RTN4IP1: variants seen among roughly 807,000 people sequenced by gnomAD.
RTN4IP1 encodes reticulon 4 interacting protein 1.
In RTN4IP1, 32 loss-of-function variants were observed where a neutral mutation model predicts 46.6. That is an observed-to-expected ratio of 0.69 (90% CI 0.52 to 0.92). The LOEUF (loss-of-function observed/expected upper bound fraction) is 0.92, where lower values mean the gene tolerates loss of function less well. Ranked by LOEUF, RTN4IP1 falls within the 40% of genes least tolerant of loss-of-function variation. RTN4IP1 has a pLI of 0.00. For missense variants in RTN4IP1, 424 were observed against 485.8 expected, an observed-to-expected ratio of 0.87 and a Z score of 1.20; for synonymous variants, 167 against 161.8, an observed-to-expected ratio of 1.03 and a Z score of -0.24.
At chr6:106,592,818 A>G (rs766479193) in intron 5 of RTN4IP1, among the ~76,000 whole-genome samples, 13 of 152,092 alleles carry the variant, frequency 8.5e-5, no homozygotes, top group Non-Finnish European at 1.5e-4. Context: ...AATCCCAGCT[A>G]CTTGGGTGGC....
intron 5 of RTN4IP1, among the ~76,000 whole-genome samples, chr6:106,602,338 A>C (rs1470659161): frequency 6.6e-6 from 1 of 152,116 alleles, no homozygotes; most frequent in Non-Finnish European, 1.5e-5. Flanking sequence ...ACTTCAGGGG[A>C]GTATTGCCAT....
intron 1 of RTN4IP1, among the ~76,000 whole-genome samples, chr6:106,627,981 T>G (rs1245144104): frequency 7.3e-6 from 1 of 137,476 alleles, no homozygotes; most frequent in Non-Finnish European, 1.6e-5. Flanking sequence ...AGCAGGAGAA[T>G]CGCTTGAACC....
At chr6:106,627,214 T>C (rs747270470) in intron 1 of RTN4IP1, among the ~76,000 whole-genome samples, 2 of 151,316 alleles carry the variant, frequency 1.3e-5, no homozygotes, top group Non-Finnish European at 2.9e-5. Context: ...GTTTCAAGAA[T>C]ACTATATAAA....
intron 1 of RTN4IP1, among the ~76,000 whole-genome samples, chr6:106,625,661 CTTTTTTTTTTTTTTT>C (rs773454257): frequency 5.3e-5 from 6 of 112,798 alleles, no homozygotes; most frequent in Admixed American, 2.9e-4. Context: ...TCTTTTTTTT[CTTTTTTTTTTTTTTT>C]TTTTTGAGAC....
chr6:106,612,873 A>T (rs1246345218), intron 4 of RTN4IP1, among the ~76,000 whole-genome samples: 1 of 152,218 alleles, frequency 6.6e-6, no homozygotes, highest in African/African-American at 2.4e-5. Flanking sequence ...AGCAGGGGCC[A>T]CGTGCATCAG....
At chr6:106,602,213 G>C (rs1231400762) in intron 5 of RTN4IP1, among the ~76,000 whole-genome samples, 2 of 151,992 alleles carry the variant, frequency 1.3e-5, no homozygotes, top group Non-Finnish European at 2.9e-5. Context: ...AAGATTGTTT[G>C]GCTATTTGGG....
rs542985402 is a variant in RTN4IP1, at chr6:106,615,543, C to A, written c.620+3659G>T. Among the ~76,000 whole-genome samples the A allele has an allele frequency of 2.0e-5, 3 of 152,094 alleles. No individual in the cohort carries two copies. The East Asian group carries it at 5.8e-4, about 29-fold the overall frequency. On this transcript the variant is annotated intron_variant, in intron 4 of 8. Coordinates refer to ENST00000369063, the MANE Select transcript of RTN4IP1 (RefSeq NM_032730.5). ...AGGATGGAGTGCAGTGGCATGATCT[C>A]AGCTCACTGTAACCTCCGCCTCCCG...
intron 1 of RTN4IP1, among the ~76,000 whole-genome samples, chr6:106,627,743 CTTTTTTTTTTTTTTTT>C (rs759953237): frequency 1.9e-5 from 1 of 52,964 alleles, no homozygotes; most frequent in Non-Finnish European, 3.9e-5. Flanking sequence ...CATTTCAATG[CTTTTTTTTTTTTTTTT>C]TTTTTTTTTT....
At chr6:106,616,233 A>G (rs1776354278) in intron 4 of RTN4IP1, among the ~76,000 whole-genome samples, 1 of 152,150 alleles carries the variant, frequency 6.6e-6, no homozygotes, top group Non-Finnish European at 1.5e-5. Context: ...GACATTTTCT[A>G]ATGATATCAA....
intron 8 of RTN4IP1, among the ~76,000 whole-genome samples, chr6:106,574,840 G>A (rs918425581): frequency 2.0e-5 from 3 of 152,196 alleles, no homozygotes; most frequent in Non-Finnish European, 4.4e-5. Flanking sequence ...CACAGATCCT[G>A]AACTGATGAC....
At position 106,588,142 on chromosome 6, in the gene RTN4IP1, T is replaced by C. The variant is rs188562236; in HGVS notation, c.807-280A>G. Among the ~76,000 whole-genome samples the C allele has an allele frequency of 7.9e-5, 12 of 152,314 alleles. No individual in the cohort carries two copies. In the East Asian group the frequency reaches 1.9e-3, roughly 24 times the overall value. On this transcript the variant is annotated intron_variant, in intron 6 of 8. Transcript: ENST00000369063. ...AGTACTTTAGAATGGCTTCAGCAAG[T>C]AGTTCTGAAAAGAGAGTGGTTTTGG...
At chr6:106,617,710 T>G (rs1776388921) in intron 4 of RTN4IP1, among the ~76,000 whole-genome samples, 1 of 152,194 alleles carries the variant, frequency 6.6e-6, no homozygotes, top group Admixed American at 6.5e-5. Flanking sequence ...ATTTTTAAAT[T>G]TTTTCTTATC....
intron 4 of RTN4IP1, among the ~76,000 whole-genome samples, chr6:106,618,230 T>C (rs1776398285): frequency 6.6e-6 from 1 of 152,116 alleles, no homozygotes; most frequent in Non-Finnish European, 1.5e-5. Context: ...TTCATAACAA[T>C]AGAACAGAAT....
At chr6:106,626,976 C>G (rs775522842) in intron 1 of RTN4IP1, among the ~76,000 whole-genome samples, 12 of 152,096 alleles carry the variant, frequency 7.9e-5, no homozygotes, top group Non-Finnish European at 1.6e-4. Context: ...TCCAGAAAAA[C>G]AGCCAGCCTT....
chr6:106,622,889 G>C lies in RTN4IP1; in HGVS notation c.355C>G (p.Leu119Val). The C allele has an allele frequency of 6.2e-7, 1 of 1,614,162 alleles. No individual in the cohort carries two copies. The highest frequency in any genetic ancestry group is 8.5e-7 in the Non-Finnish European group (1 of 1,180,012). Residue 119 changes from leucine (L) to valine (V), a missense_variant, in exon 2 of 9, where the codon CTG becomes GTG. Leu to Val is a conservative substitution (Grantham distance 32). Transcript: ENST00000369063. Reference protein sequence around the residue: ...KIKGEEFPLTLGRDVSGVVME... With the variant: ...KIKGEEFPLTVGRDVSGVVME... ...ACCACGCCAGAGACATCCCGACCCA[G>C]AGTCAGAGGAAATTCTTCTCCTTTG...
chr6:106,586,887 C>T (rs1775500062), intron 7 of RTN4IP1, among the ~76,000 whole-genome samples: 1 of 152,132 alleles, frequency 6.6e-6, no homozygotes, highest in African/African-American at 2.4e-5. Context: ...CCAAGGCCCG[C>T]CACTCACCGA....
chr6:106,629,218 G>T lies in RTN4IP1; in HGVS notation c.-197C>A. 1.7e-6 allele frequency: 1 copy of T among 591,488 alleles called. No individual in the cohort carries two copies. The highest frequency in any genetic ancestry group is 3.0e-6 in the Non-Finnish European group (1 of 335,600). 36.6% of individuals were successfully genotyped at this position (591,488 alleles called of 1,614,324 possible). A position where few individuals can be genotyped will look rare whatever the true frequency, so the allele number is the denominator to read the frequency against. Reference sequence around the variant, plus strand: ...ATACGGAACTGTTATTCCGCTCTTCGCATATGAAATGCTCGAATTAACGTT... The same window carrying T: ...ATACGGAACTGTTATTCCGCTCTTCTCATATGAAATGCTCGAATTAACGTT... On this transcript the variant is annotated 5_prime_UTR_variant, in exon 1 of 9. Coordinates refer to ENST00000369063, the MANE Select transcript of RTN4IP1 (RefSeq NM_032730.5).
intron 7 of RTN4IP1, among the ~76,000 whole-genome samples, chr6:106,585,400 T>A (rs1035135287): frequency 6.6e-6 from 1 of 151,960 alleles, no homozygotes; most frequent in Admixed American, 6.5e-5. Context: ...GTGGATCCAG[T>A]AAATGACAAT....
chr6:106,588,254 G>A (rs1775534304), intron 6 of RTN4IP1, among the ~76,000 whole-genome samples: 1 of 152,180 alleles, frequency 6.6e-6, no homozygotes, highest in Admixed American at 6.5e-5. Flanking sequence ...AGGTTGCCAA[G>A]GTTGAGAAAG....
Sources: gnomAD v4.1 joint callset for allele counts (sites outside exome capture counted in the v4.1 genomes callset) on GRCh38, gnomAD v4.1.1 for gene constraint, MANE v1.5 for transcripts, NCBI Gene and HGNC (gene_info 2026-07-23, HGNC 2026-07-21) for gene names.